The following FBXW11 variants were observed in gnomAD, a reference collection of about 807,000 sequenced individuals.
FBXW11 encodes F-box/WD repeat-containing protein 11.
In FBXW11, 19 loss-of-function variants were observed where a neutral mutation model predicts 77.6. The ratio of observed to expected loss-of-function variants is 0.24; its 90% confidence interval spans 0.17 to 0.36. The LOEUF is 0.36. Among genes scored for constraint, FBXW11 ranks in the 10% least tolerant of loss-of-function variants. The pLI is 1.00. For missense variants in FBXW11, 334 were observed against 704.2 expected (o/e 0.47, Z 5.95); for synonymous variants, 235 against 249.4 (o/e 0.94, Z 0.54).
chr5:171,893,421 C>CAAAAAAAAAAAAACA (rs1759498721), intron 6 of FBXW11, among the ~76,000 whole-genome samples: 1 of 39,854 alleles, frequency 2.5e-5, no homozygotes, highest in Non-Finnish European at 4.5e-5. Flanking sequence ...ACTTCAAAAC[C>CAAAAAAAAAAAAACA]AAAAAAAAAA....
At chr5:171,932,119 T>G (rs1762239640) in intron 2 of FBXW11, among the ~76,000 whole-genome samples, 1 of 151,914 alleles carries the variant, frequency 6.6e-6, no homozygotes, top group African/African-American at 2.4e-5. Context: ...AACTAATCCA[T>G]CTGCCTCAGC....
At chr5:171,938,096 C>T (rs983803690) in intron 2 of FBXW11, among the ~76,000 whole-genome samples, 6 of 152,324 alleles carry the variant, frequency 3.9e-5, no homozygotes, top group East Asian at 1.9e-4. Context: ...CTCACTCTGT[C>T]GCCAAGCCTG....
intron 2 of FBXW11, among the ~76,000 whole-genome samples, chr5:171,932,410 T>C (rs1762256655): frequency 6.6e-6 from 1 of 152,194 alleles, no homozygotes; most frequent in Non-Finnish European, 1.5e-5. Context: ...CTGGAGAAGA[T>C]GTGGAGCTAT....
chr5:171,972,210 G>A (rs1037299448), intron 1 of FBXW11, among the ~76,000 whole-genome samples: 3 of 151,226 alleles, frequency 2.0e-5, no homozygotes, highest in Non-Finnish European at 4.4e-5. Flanking sequence ...AGTCTGGACA[G>A]CTCACACCTG....
chr5:171,930,061 G>C (rs1205404903), intron 2 of FBXW11, among the ~76,000 whole-genome samples: 4 of 152,022 alleles, frequency 2.6e-5, no homozygotes, highest in African/African-American at 9.7e-5. Flanking sequence ...GGGCAGTTCA[G>C]GAAAACTGTG....
intron 6 of FBXW11, among the ~76,000 whole-genome samples, chr5:171,895,182 G>T (rs542537633): frequency 5.3e-5 from 8 of 152,130 alleles, no homozygotes; most frequent in Non-Finnish European, 1.0e-4. Context: ...ATGTGGTATG[G>T]CTACTGTAGA....
intron 2 of FBXW11, among the ~76,000 whole-genome samples, chr5:171,957,182 G>C (rs1387794644): frequency 6.6e-6 from 1 of 152,118 alleles, no homozygotes; most frequent in Non-Finnish European, 1.5e-5. Context: ...GAAGAGGGGA[G>C]AGAAAGCAAG....
intron 1 of FBXW11, among the ~76,000 whole-genome samples, chr5:171,987,972 T>C (rs113949608): frequency 3.3e-4 from 50 of 152,322 alleles, no homozygotes; most frequent in African/African-American, 1.0e-3. Context: ...AATGAATGGA[T>C]GAAACTATTT....
chr5:171,976,699 T>C (rs1561741552), intron 1 of FBXW11, among the ~76,000 whole-genome samples: 1 of 152,122 alleles, frequency 6.6e-6, no homozygotes, highest in East Asian at 1.9e-4. Context: ...AAGGCCCTTT[T>C]GAGATTCAGG....
chr5:171,950,484 G>C (rs938716006), intron 2 of FBXW11, among the ~76,000 whole-genome samples: 4 of 151,876 alleles, frequency 2.6e-5, no homozygotes, highest in African/African-American at 9.7e-5. Context: ...TCATGAAAGA[G>C]TTAGACTTTA....
intron 1 of FBXW11, among the ~76,000 whole-genome samples, chr5:171,961,208 T>C (rs1223559480): frequency 6.6e-6 from 1 of 152,190 alleles, no homozygotes; most frequent in Admixed American, 6.5e-5. Flanking sequence ...GACAGCTTGA[T>C]CCTAGGCAGC....
chr5:171,919,824 T>C (rs923483841), intron 2 of FBXW11, among the ~76,000 whole-genome samples: 4 of 152,112 alleles, frequency 2.6e-5, no homozygotes, highest in Non-Finnish European at 4.4e-5. Context: ...ACAATGAAGA[T>C]CCTAATCTTG....
chr5:171,952,726 T>A (rs55919545), intron 2 of FBXW11, among the ~76,000 whole-genome samples: 130,192 of 150,944 alleles, frequency 0.86, 57,400 homozygotes, highest in East Asian at 1. Context: ...CTGGGATTAC[T>A]GGCGTGAGCC....
chr5:171,910,581 C>T lies in FBXW11; in HGVS notation c.427G>A (p.Ala143Thr), dbSNP rs1314572527. Reference protein sequence around the residue: ...KPMLQRDFITALPEQGLDHIA... With the variant: ...KPMLQRDFITTLPEQGLDHIA... ...AGACAAGTACAGTTACCTGGTAAAGCGGTAATAAAGTCCCGCTGCAACATG... is the reference window on the plus strand; with the variant it reads ...AGACAAGTACAGTTACCTGGTAAAGTGGTAATAAAGTCCCGCTGCAACATG... The change falls in exon 4 of 14, where the codon GCT becomes ACT. Residue 143 changes from alanine (A) to threonine (T), a missense_variant. By Grantham distance (58) the Ala-to-Thr change is moderately conservative (BLOSUM62 0). Transcript: ENST00000517395. The T allele has an allele frequency of 4.3e-6, 7 of 1,611,636 alleles. No homozygotes were observed. The highest frequency in any genetic ancestry group is 1.1e-5 in the South Asian group (1 of 90,728).
At chr5:171,905,487 C>T (rs377071697) in intron 4 of FBXW11, among the ~76,000 whole-genome samples, 18 of 152,146 alleles carry the variant, frequency 1.2e-4, no homozygotes, top group African/African-American at 4.3e-4. Flanking sequence ...TACTCTCCCC[C>T]AAATCCTCTC....
chr5:171,950,085 T>C (rs1202815084), intron 2 of FBXW11, among the ~76,000 whole-genome samples: 2 of 152,216 alleles, frequency 1.3e-5, no homozygotes, highest in African/African-American at 4.8e-5. Context: ...ATATATTTAT[T>C]AAATGGAATA....
chr5:172,000,209 T>A (rs1766330690), intron 1 of FBXW11, among the ~76,000 whole-genome samples: 1 of 152,254 alleles, frequency 6.6e-6, no homozygotes. Flanking sequence ...CTGCTTATTC[T>A]GTTAAGGTTA....
At chr5:172,005,563 G>A (rs1270072281) in intron 1 of FBXW11, among the ~76,000 whole-genome samples, 1 of 152,192 alleles carries the variant, frequency 6.6e-6, no homozygotes, top group Non-Finnish European at 1.5e-5. Flanking sequence ...GGAGGGTGGA[G>A]GGTGTCCACG....
chr5:171,970,196 T>C (rs1764444692), intron 1 of FBXW11, among the ~76,000 whole-genome samples: 1 of 152,182 alleles, frequency 6.6e-6, no homozygotes, highest in African/African-American at 2.4e-5. Flanking sequence ...TCATCTCCCA[T>C]TGTAATCCCT....
Sources: gnomAD v4.1 joint callset for allele counts (sites outside exome capture counted in the v4.1 genomes callset) on GRCh38, gnomAD v4.1.1 for gene constraint, MANE v1.5 for transcripts, NCBI Gene and HGNC (gene_info 2026-07-23, HGNC 2026-07-21) for gene names.